VAX1: variants seen among roughly 807,000 people sequenced by gnomAD.
The protein encoded by VAX1 is ventral anterior homeobox 1.
VAX1 carries 6 observed loss-of-function variants against 17.6 expected under a neutral mutation model. The ratio of observed to expected loss-of-function variants is 0.34; its 90% confidence interval spans 0.19 to 0.67. The LOEUF (loss-of-function observed/expected upper bound fraction) is 0.67. VAX1 is among the 30% of genes least tolerant of loss of function. The probability of loss-of-function intolerance (pLI) is 0.69; values close to 1 mark genes in which losing one functional copy is unlikely to be tolerated. For synonymous variants in VAX1, 256 were observed against 227.4 expected (o/e 1.13, Z -1.13); for missense variants, 408 against 463.7 (o/e 0.88, Z 1.10).
chr10:117,134,585 T>C lies in VAX1; in HGVS notation c.430-2A>G. The C allele has an allele frequency of 6.6e-7, 1 of 1,518,594 alleles. No homozygotes were observed. Among genetic ancestry groups the C allele is most frequent in the Non-Finnish European group, 8.8e-7 (1 of 1,134,712 alleles). The allele number at this position is 1,518,594 out of a possible 1,614,324, so 94.1% of individuals were successfully genotyped here. A position where few individuals can be genotyped will look rare whatever the true frequency, so the allele number is the denominator to read the frequency against. ...CCGGTTCTGGAACCAGACCTTCACC[T>C]GCGCGCCGGGGTGCGGGGAGAGTTG... is the stretch of plus-strand genomic sequence containing the variant. On this transcript the variant is annotated splice_acceptor_variant, in intron 2 of 2. Coordinates refer to ENST00000369206, the MANE Select transcript of VAX1 (RefSeq NM_001112704.2). LOFTEE classifies it high-confidence loss of function. This position sits in a 1 kb window ranked among gnomAD's most constrained non-coding sequence, Gnocchi z 6.2.
At chr10:117,135,464 A>C (rs1854160421) in intron 2 of VAX1, among the ~76,000 whole-genome samples, 1 of 152,214 alleles carries the variant, frequency 6.6e-6, no homozygotes, top group Non-Finnish European at 1.5e-5. Context: ...ATAGGCAAAG[A>C]CTATCCTATC....
chr10:117,130,013 C>T (rs1327324682), downstream of VAX1: 5 of 148,050 alleles, frequency 3.4e-5, no homozygotes, highest in Admixed American at 6.8e-5. Context: ...ACACTGTGGG[C>T]ACAAAAAGAA....
Position 117,137,709 on chromosome 10 carries a change from A to G in VAX1, c.241+107T>C. The G allele has an allele frequency of 6.3e-7, 1 of 1,587,360 alleles. No homozygotes were observed. The highest frequency in any genetic ancestry group is 8.5e-7 in the Non-Finnish European group (1 of 1,175,888). The stretch of plus-strand genomic sequence containing the variant: ...GGGGAGGGCCAACAACTTTCTCCCA[A>G]GTCCCAGCCGGCACTCCTTCCCACC... On this transcript the variant is annotated intron_variant, in intron 1 of 2. Transcript: ENST00000369206. This position sits in a 1 kb window ranked among gnomAD's most constrained non-coding sequence, Gnocchi z 7.4.
downstream of VAX1, among the ~76,000 whole-genome samples, chr10:117,133,001 G>A (rs1258643406): frequency 6.6e-6 from 1 of 152,234 alleles, no homozygotes; most frequent in Non-Finnish European, 1.5e-5. Flanking sequence ...AGGCCGTAGG[G>A]TGAAGCGCCG....
rs747346308 is a variant in VAX1 at position 117,134,512 on chromosome 10, C to G, written c.501G>C (p.Ser167=). Residue 167 remains serine (S), a synonymous_variant, in exon 3 of 3, where the codon TCG becomes TCC. Transcript: ENST00000369206. The surrounding 1 kb of genome is among the most constrained non-coding windows in gnomAD (Gnocchi z 6.2). ...KDQGKDSELR[S]VVSETAATCS... ...ACGTGGCCGCGGTCTCCGACACCAC[C>G]GAGCGTAGCTCCGAGTCCTTGCCCT... 1.0e-5 allele frequency: 16 copies of G among 1,531,988 alleles called. No individual in the cohort carries two copies. Among genetic ancestry groups the G allele is most frequent in the African/African-American group, 2.8e-5 (2 of 71,242 alleles). The allele number at this position is 1,531,988 out of a possible 1,614,324, so 94.9% of individuals were successfully genotyped here. A position where few individuals can be genotyped will look rare whatever the true frequency, so the allele number is the denominator to read the frequency against.
downstream of VAX1, chr10:117,129,960 T>A (rs999387427): frequency 6.6e-6 from 1 of 151,578 alleles, no homozygotes; most frequent in Admixed American, 6.6e-5. Context: ...CATTAGCAGA[T>A]GTGGGTGCAA....
At chr10:117,132,559 T>C, downstream of VAX1, 1 of 1,493,776 alleles carries the variant, frequency 6.7e-7, no homozygotes, top group African/African-American at 1.4e-5. The surrounding 1 kb of genome is among the most constrained non-coding windows in gnomAD (Gnocchi z 4.9). Context: ...TTTAAAAAAG[T>C]GTTTTTCGCT....
Position 117,134,334 on chromosome 10 carries a change from C to T in VAX1, c.679G>A (p.Ala227Thr). The T allele has an allele frequency of 1.9e-6, 2 of 1,049,652 alleles. No individual in the cohort carries two copies. Among genetic ancestry groups the T allele is most frequent in the Non-Finnish European group, 1.1e-6 (1 of 873,464 alleles). The allele number at this position is 1,049,652 out of a possible 1,614,324, so 65.0% of individuals were successfully genotyped here. ...CCCGGGGCGGCGGCGGCGGCTGCGG[C>T]GGCCGAGCCTGCAGCGGCGCCCGCG... is the stretch of plus-strand genomic sequence containing the variant. ...LGAGAAAGSA[A>T]AAAAAAPGPA... Residue 227 changes from alanine (A) to threonine (T), a missense_variant, in exon 3 of 3, where the codon GCC becomes ACC. Ala to Thr is a moderately conservative substitution (Grantham distance 58, BLOSUM62 0). Around this residue, in one of 4 missense-constraint regions of VAX1, gnomAD observed 196 missense variants for 218.7 expected, o/e 0.90. Coordinates refer to ENST00000369206, the MANE Select transcript of VAX1 (RefSeq NM_001112704.2). The surrounding 1 kb of genome is among the most constrained non-coding windows in gnomAD (Gnocchi z 6.2).
Position 117,133,911 on chromosome 10 carries a change from G to A in VAX1, c.*97C>T, listed in dbSNP as rs895709558. ...CTGTCAGAGGCCTGGTGGGAGCCAG[G>A]AGCCCAGCGCAGGAGCTCTGGGCAC... On this transcript the variant is annotated 3_prime_UTR_variant, in exon 3 of 3. Coordinates refer to ENST00000369206, the MANE Select transcript of VAX1 (RefSeq NM_001112704.2). The A allele has an allele frequency of 4.9e-6, 7 of 1,420,260 alleles. No individual in the cohort carries two copies. Among genetic ancestry groups the A allele is most frequent in the Non-Finnish European group, 6.4e-6 (7 of 1,093,812 alleles). 88.0% of individuals were successfully genotyped at this position (1,420,260 alleles called of 1,614,324 possible). A position where few individuals can be genotyped will look rare whatever the true frequency, so the allele number is the denominator to read the frequency against.
Position 117,137,742 on chromosome 10 carries a change from G to C in VAX1, c.241+74C>G. The C allele has an allele frequency of 1.2e-6, 2 of 1,601,942 alleles. No homozygotes were observed. The highest frequency in any genetic ancestry group is 1.7e-6 in the Non-Finnish European group (2 of 1,179,268). Reference sequence around the variant, plus strand: ...CCGGCACTCCTTCCCACCGGCCTGTGTCGGCGGCAGCGCGCAGCTCCGGCC... The same window carrying C: ...CCGGCACTCCTTCCCACCGGCCTGTCTCGGCGGCAGCGCGCAGCTCCGGCC... On this transcript the variant is annotated intron_variant, in intron 1 of 2. Transcript: ENST00000369206. This position sits in a 1 kb window ranked among gnomAD's most constrained non-coding sequence, Gnocchi z 7.4.
rs1564972179 is a variant in VAX1, at chr10:117,137,553, G to A, written c.241+263C>T. On this transcript the variant is annotated intron_variant, in intron 1 of 2. Transcript: ENST00000369206. This position sits in a 1 kb window ranked among gnomAD's most constrained non-coding sequence, Gnocchi z 7.4. Reference sequence around the variant, plus strand: ...GGTCGGAGGCCGCAGCCCGATGCCCGGCCGCACCCGCGCAGCCCCTCATCT... The same window carrying A: ...GGTCGGAGGCCGCAGCCCGATGCCCAGCCGCACCCGCGCAGCCCCTCATCT... Among the ~76,000 whole-genome samples, 2 of 152,186 alleles carry A rather than the reference G, an allele frequency of 1.3e-5. No individual in the cohort carries two copies. Among genetic ancestry groups the A allele is most frequent in the Non-Finnish European group, 2.9e-5 (2 of 68,024 alleles).
At chr10:117,130,482 C>A (rs182585787), downstream of VAX1, 1 of 151,076 alleles carries the variant, frequency 6.6e-6, no homozygotes, top group African/African-American at 2.5e-5. Context: ...TTTGTGCAGG[C>A]CTGAGCATCA....
chr10:117,135,053 C>T (rs1404803564), intron 2 of VAX1, among the ~76,000 whole-genome samples: 1 of 152,078 alleles, frequency 6.6e-6, no homozygotes, highest in Non-Finnish European at 1.5e-5. Context: ...GGAAGAGAGG[C>T]GGGGAGGGAG....
At chr10:117,128,670 A>G (rs1854047035), downstream of VAX1, 1 of 152,246 alleles carries the variant, frequency 6.6e-6, no homozygotes, top group Admixed American at 6.5e-5. Flanking sequence ...GCTAGAAATC[A>G]GAGAATACCC....
In VAX1 at chr10:117,137,911, C is replaced by T. The variant is rs1172446588; in HGVS notation, c.146G>A (p.Gly49Asp). 1.2e-6 allele frequency: 2 copies of T among 1,613,770 alleles called. No homozygotes were observed. The highest frequency in any genetic ancestry group is 2.2e-5 in the East Asian group (1 of 44,846). The change falls in exon 1 of 3, where the codon GGC becomes GAC. Residue 49 changes from glycine (G) to aspartate (D), a missense_variant. By Grantham distance (94) the Gly-to-Asp change is moderately conservative (BLOSUM62 -1). Transcript: ENST00000369206. The surrounding 1 kb of genome is among the most constrained non-coding windows in gnomAD (Gnocchi z 7.4). Reference protein sequence around the residue: ...LPAAFLKEPQGAFSASGAAED... With the variant: ...LPAAFLKEPQDAFSASGAAED... ...AGCAGCGCCCGACGCTGAGAAGGCGCCCTGCGGCTCCTTGAGGAAGGCGGC... is the reference window on the plus strand; with the variant it reads ...AGCAGCGCCCGACGCTGAGAAGGCGTCCTGCGGCTCCTTGAGGAAGGCGGC...
At position 117,133,715 on chromosome 10, in the gene VAX1, G is replaced by T; in HGVS notation, c.*293C>A. On this transcript the variant is annotated 3_prime_UTR_variant, in exon 3 of 3. Transcript: ENST00000369206. The stretch of plus-strand genomic sequence containing the variant: ...TCTTTTCCCTCCTGGGCTGGGCACG[G>T]GGTCAGGGCATCAGGTTGACTAACT... The T allele has an allele frequency of 8.7e-7, 1 of 1,150,512 alleles. No individual in the cohort carries two copies. Among genetic ancestry groups the T allele is most frequent in the Non-Finnish European group, 1.1e-6 (1 of 937,486 alleles). The allele number at this position is 1,150,512 out of a possible 1,614,324, so 71.3% of individuals were successfully genotyped here.
In VAX1 at chr10:117,137,238, C is replaced by G. The variant is rs1854196103; in HGVS notation, c.241+578G>C. Among the ~76,000 whole-genome samples the G allele has an allele frequency of 6.6e-6, 1 of 152,118 alleles. No homozygotes were observed. The highest frequency in any genetic ancestry group is 2.4e-5 in the African/African-American group (1 of 41,458). On this transcript the variant is annotated intron_variant, in intron 1 of 2. Transcript: ENST00000369206. This position sits in a 1 kb window ranked among gnomAD's most constrained non-coding sequence, Gnocchi z 7.4. ...GGGGCTAAGTGCACGCCGCGCCATC[C>G]GAGAGCGGCAGAGCAGAGCACCAAA...
At chr10:117,135,059 G>A (rs904292044) in intron 2 of VAX1, among the ~76,000 whole-genome samples, 3 of 152,184 alleles carry the variant, frequency 2.0e-5, no homozygotes, top group South Asian at 2.1e-4. Flanking sequence ...GAGGCGGGGA[G>A]GGAGTATTGC....
In VAX1 at chr10:117,133,826, G is replaced by GA. The variant is rs373982518; in HGVS notation, c.*181dup. On this transcript the variant is annotated 3_prime_UTR_variant, in exon 3 of 3. Coordinates refer to ENST00000369206, the MANE Select transcript of VAX1 (RefSeq NM_001112704.2). ...GAGGAATCTCAGAGGAAAGGTAGTA[G>GA]AAAAAAAAAATAGCCCGAATGAGAT... 5,525 of 1,221,456 alleles carry GA rather than the reference G, an allele frequency of 4.5e-3. No homozygotes were observed. The highest frequency in any genetic ancestry group is 0.014 in the East Asian group (392 of 27,140). 75.7% of individuals were successfully genotyped at this position (1,221,456 alleles called of 1,614,324 possible). A position where few individuals can be genotyped will look rare whatever the true frequency, so the allele number is the denominator to read the frequency against.
Sources: gnomAD v4.1 joint callset for allele counts (sites outside exome capture counted in the v4.1 genomes callset) on GRCh38, gnomAD v4.1.1 for gene constraint, gnomAD v4.1.1 regional missense constraint, Gnocchi (gnomAD v3.1) non-coding constraint, MANE v1.5 for transcripts, NCBI Gene and HGNC (gene_info 2026-07-23, HGNC 2026-07-21) for gene names.